Variants in ZNF423 observed in about 807,000 individuals in gnomAD.
The protein encoded by ZNF423 is Ebf-associated zinc finger protein.
Under a neutral mutation model 95.8 loss-of-function variants are expected in ZNF423, and 12 were observed. The observed-to-expected ratio is 0.13, with a 90% CI of 0.08 to 0.20. The LOEUF is 0.20. Ranked by LOEUF, ZNF423 falls within the 10% of genes least tolerant of loss-of-function variation. ZNF423 has a pLI of 1.00. For synonymous variants in ZNF423, 749 were observed against 711.9 expected, an observed-to-expected ratio of 1.05 and a Z score of -0.83; for missense variants, 1,316 against 1,737.1, an observed-to-expected ratio of 0.76 and a Z score of 4.31.
intron 5 of ZNF423, among the ~76,000 whole-genome samples, chr16:49,587,250 A>T (rs62030980): frequency 6.6e-6 from 1 of 151,992 alleles, no homozygotes; most frequent in African/African-American, 2.4e-5. Context: ...AATGACAGAC[A>T]GGCCTTGGAA....
chr16:49,599,945 C>G (rs1971306696), intron 5 of ZNF423, among the ~76,000 whole-genome samples: 1 of 152,166 alleles, frequency 6.6e-6, no homozygotes, highest in African/African-American at 2.4e-5. Context: ...GCTGGTTACA[C>G]AGGTGTACAC....
In ZNF423 at chr16:49,845,227, C is replaced by T. The variant is rs530671983; in HGVS notation, c.40+10508G>A. On this transcript the variant is annotated intron_variant, in intron 1 of 7. Coordinates refer to ENST00000563137, the MANE Select transcript of ZNF423 (RefSeq NM_001379286.1). The stretch of plus-strand genomic sequence containing the variant: ...TCCAGCGATTCTCCTGCCTCAGCCT[C>T]CTGGGTAGCTGAGATTACAGGCGCA... 7.8e-4 allele frequency among the ~76,000 whole-genome samples: 119 copies of T among 151,744 alleles called. 1 individual carries two copies. The highest frequency in any genetic ancestry group is 2.8e-3 in the African/African-American group (117 of 41,374).
intron 5 of ZNF423, among the ~76,000 whole-genome samples, chr16:49,616,274 C>G (rs1971871729): frequency 6.6e-6 from 1 of 152,084 alleles, no homozygotes. Flanking sequence ...AAATTTAAAA[C>G]AACTGAACTC....
chr16:49,493,308 G>A (rs1235412260), intron 7 of ZNF423, among the ~76,000 whole-genome samples: 1 of 152,098 alleles, frequency 6.6e-6, no homozygotes, highest in African/African-American at 2.4e-5. Flanking sequence ...CATCCCTGCA[G>A]ACCTCTCCAG....
At position 49,635,756 on chromosome 16, in the gene ZNF423, G is replaced by T; in HGVS notation, c.3420C>A (p.Ala1140=). 1 of 1,612,912 alleles carries T rather than the reference G, an allele frequency of 6.2e-7. No individual in the cohort carries two copies. The highest frequency in any genetic ancestry group is 8.5e-7 in the Non-Finnish European group (1 of 1,179,850). The part of the protein sequence containing the change: ...CPECSVKFES[A]EDLESHMQVD... The stretch of plus-strand genomic sequence containing the variant: ...CCTGCATGTGGCTCTCCAGGTCTTC[G>T]GCACTCTCAAACTTGACACTGCACT... Residue 1140 remains alanine (A), a synonymous_variant, in exon 4 of 8, where the codon GCC becomes GCA. Coordinates refer to ENST00000563137, the MANE Select transcript of ZNF423 (RefSeq NM_001379286.1). The surrounding 1 kb of genome is among the most constrained non-coding windows in gnomAD (Gnocchi z 4.8).
chr16:49,721,327 C>A (rs2032859631), intron 3 of ZNF423, among the ~76,000 whole-genome samples: 1 of 152,190 alleles, frequency 6.6e-6, no homozygotes, highest in Non-Finnish European at 1.5e-5. Flanking sequence ...AATGAATGAA[C>A]ACCCATGCAC....
chr16:49,730,505 T>C lies in ZNF423; in HGVS notation c.301+266A>G, dbSNP rs1292642995. 11 of 523,034 alleles carry C rather than the reference T, an allele frequency of 2.1e-5. 1 individual carries two copies. The Admixed American group carries it at 3.6e-4, about 17-fold the overall frequency. 32.4% of individuals were successfully genotyped at this position (523,034 alleles called of 1,614,324 possible). On this transcript the variant is annotated intron_variant, in intron 3 of 7. Transcript: ENST00000563137. ...TTCAGGGTGCACATCCACCCATTCA[T>C]GGCCTGAGTACCAGAGCACAGCTTG... is the stretch of plus-strand genomic sequence containing the variant.
At chr16:49,604,772 AC>A (rs1250935952) in intron 5 of ZNF423, among the ~76,000 whole-genome samples, 4 of 152,000 alleles carry the variant, frequency 2.6e-5, no homozygotes, top group African/African-American at 9.7e-5. Flanking sequence ...CCTGTGTCTG[AC>A]CACCAAACAC....
chr16:49,557,807 G>A (rs532765651), intron 5 of ZNF423, among the ~76,000 whole-genome samples: 2 of 152,346 alleles, frequency 1.3e-5, no homozygotes, highest in East Asian at 3.9e-4. Flanking sequence ...AAGGCCAGGA[G>A]GAAGAGCCTC....
chr16:49,837,177 G>T (rs2035129455), intron 1 of ZNF423, among the ~76,000 whole-genome samples: 1 of 152,138 alleles, frequency 6.6e-6, no homozygotes, highest in African/African-American at 2.4e-5. Context: ...GTACAGAGGG[G>T]GCCCTGGCGA....
intron 7 of ZNF423, among the ~76,000 whole-genome samples, chr16:49,508,561 C>T (rs1404592528): frequency 6.6e-6 from 1 of 150,930 alleles, no homozygotes; most frequent in Non-Finnish European, 1.5e-5. Context: ...ATAGAGAACC[C>T]TCTAAAAGTT....
At chr16:49,523,839 A>G in intron 6 of ZNF423, 100 bp from the exon 7 acceptor site, 5 of 924,904 alleles carry the variant, frequency 5.4e-6, no homozygotes, top group Non-Finnish European at 1.7e-6. Flanking sequence ...TCACTGTGGC[A>G]TAGGTACAGT....
At chr16:49,564,510 CAT>C (rs1421653539) in intron 5 of ZNF423, among the ~76,000 whole-genome samples, 2 of 152,180 alleles carry the variant, frequency 1.3e-5, no homozygotes, top group African/African-American at 4.8e-5. Context: ...ATCCCTTAAA[CAT>C]ATGAAATCAA....
Position 49,636,673 on chromosome 16 carries a change from G to A in ZNF423, c.2503C>T (p.Arg835Trp), listed in dbSNP as rs767169868. ...HAIILLEKHL[R>W]EKHCVFDAAT... ...GCATCAAACACACAGTGCTTCTCCC[G>A]CAGGTGCTTCTCCAGCAGGATGATG... Residue 835 changes from arginine (R) to tryptophan (W), a missense_variant, in exon 4 of 8, where the codon CGG becomes TGG. Physicochemically the swap from Arg to Trp is moderately radical, Grantham distance 101. Around this residue, in one of 6 missense-constraint regions of ZNF423, gnomAD observed 620 missense variants for 775.6 expected, o/e 0.80. Transcript: ENST00000563137. The surrounding 1 kb of genome is among the most constrained non-coding windows in gnomAD (Gnocchi z 8.6). The A allele has an allele frequency of 5.0e-6, 8 of 1,614,022 alleles. No homozygotes were observed. Among genetic ancestry groups the A allele is most frequent in the South Asian group, 3.3e-5 (3 of 91,066 alleles).
intron 1 of ZNF423, chr16:49,854,734 C>T (rs2144136973): frequency 1.0e-6 from 1 of 985,452 alleles, no homozygotes; most frequent in South Asian, 4.7e-5. Context: ...GCTGCCGGCG[C>T]GCGGCCTTTC....
chr16:49,590,540 G>C (rs1305083185), intron 5 of ZNF423, among the ~76,000 whole-genome samples: 1 of 152,212 alleles, frequency 6.6e-6, no homozygotes, highest in East Asian at 1.9e-4. Flanking sequence ...GGGCCAGGGA[G>C]AGCCTCTGCA....
At chr16:49,579,902 T>A (rs1286373208) in intron 5 of ZNF423, among the ~76,000 whole-genome samples, 1 of 152,096 alleles carries the variant, frequency 6.6e-6, no homozygotes, top group African/African-American at 2.4e-5. Context: ...ACATGCAGTT[T>A]ACCAGTGAGT....
intron 2 of ZNF423, among the ~76,000 whole-genome samples, chr16:49,773,487 G>T (rs1433969110): frequency 3.3e-5 from 5 of 152,146 alleles, no homozygotes; most frequent in Non-Finnish European, 7.3e-5. Context: ...ATTTGGGTGG[G>T]GACACAGTGC....
intron 5 of ZNF423, among the ~76,000 whole-genome samples, chr16:49,586,213 G>A (rs1357768482): frequency 1.3e-5 from 2 of 152,086 alleles, no homozygotes; most frequent in Non-Finnish European, 2.9e-5. Flanking sequence ...CGCCTGCGTC[G>A]CTGACAGAGT....
Sources: allele counts gnomAD v4.1 joint callset (sites outside exome capture counted in the v4.1 genomes callset), GRCh38; gene constraint gnomAD v4.1.1; regional missense constraint gnomAD v4.1.1; non-coding constraint Gnocchi (gnomAD v3.1); transcripts MANE v1.5; gene names NCBI Gene and HGNC (gene_info 2026-07-23, HGNC 2026-07-21).